PLPBP: variants seen among roughly 807,000 people sequenced by gnomAD.
PLPBP encodes pyridoxal phosphate binding protein.
In PLPBP, 21 loss-of-function variants were observed where a neutral mutation model predicts 31.2. The observed-to-expected ratio is 0.67, with a 90% CI of 0.48 to 0.97. The LOEUF (loss-of-function observed/expected upper bound fraction) is 0.97. PLPBP is among the 50% of genes least tolerant of loss of function. The pLI is 0.00. For synonymous variants in PLPBP, 124 were observed against 135.6 expected (o/e 0.91, Z 0.59); for missense variants, 308 against 354.4 (o/e 0.87, Z 1.05).
rs1563329018 is a variant in PLPBP, at chr8:37,778,575, C to T, written c.*471C>T. On this transcript the variant is annotated 3_prime_UTR_variant, in exon 8 of 8. Transcript: ENST00000328195. ...GGTGATTTCTGCCCCCAGATTCTTC[C>T]CTAGCCGGTAGATACGTGAAGATAT... 1 of 153,286 alleles carries T rather than the reference C, an allele frequency of 6.5e-6. No individual in the cohort carries two copies. The highest frequency in any genetic ancestry group is 2.4e-5 in the African/African-American group (1 of 41,428). The allele number at this position is 153,286 out of a possible 1,614,324, so 9.5% of individuals were successfully genotyped here. A position where few individuals can be genotyped will look rare whatever the true frequency, so the allele number is the denominator to read the frequency against.
intron 4 of PLPBP, among the ~76,000 whole-genome samples, chr8:37,772,334 C>T (rs1237022066): frequency 6.6e-6 from 1 of 152,286 alleles, no homozygotes; most frequent in East Asian, 1.9e-4. Flanking sequence ...TAAGAATACC[C>T]TCATCCCAGA....
intron 4 of PLPBP, 134 bp downstream of exon 4, chr8:37,766,489 T>TTAATAAG (rs762932096): frequency 4.5e-6 from 6 of 1,330,132 alleles, no homozygotes; most frequent in Non-Finnish European, 5.8e-6. Flanking sequence ...TAGGAAAGTC[T>TTAATAAG]GAGTTCTTAA....
At chr8:37,766,214 G>A (rs1803623653) in intron 3 of PLPBP, 66 bp from the exon 4 acceptor site, 20 of 1,203,912 alleles carry the variant, frequency 1.7e-5, no homozygotes, top group South Asian at 1.1e-4. Context: ...GGGAGTGCAC[G>A]AGGCGTTTGA....
chr8:37,766,448 C>G lies in PLPBP; in HGVS notation c.319+93C>G. 2.1e-6 allele frequency: 3 copies of G among 1,395,638 alleles called. No homozygotes were observed. In the South Asian group the frequency reaches 4.9e-5, roughly 23 times the overall value. 86.5% of individuals were successfully genotyped at this position (1,395,638 alleles called of 1,614,324 possible). On this transcript the variant is annotated intron_variant, in intron 4 of 7. Coordinates refer to ENST00000328195, the MANE Select transcript of PLPBP (RefSeq NM_007198.4). ...AAGAGAGAGCAACTTTTAGAATAGC[C>G]CCAATTCACCATTTGTTTTTGGAAT...
chr8:37,770,502 C>G (rs1563325526), intron 4 of PLPBP, among the ~76,000 whole-genome samples: 1 of 152,232 alleles, frequency 6.6e-6, no homozygotes, highest in African/African-American at 2.4e-5. Flanking sequence ...AGACTTAAAT[C>G]TAAATCCAAG....
chr8:37,774,510 G>T (rs1803853048), intron 5 of PLPBP, among the ~76,000 whole-genome samples: 1 of 152,202 alleles, frequency 6.6e-6, no homozygotes, highest in Non-Finnish European at 1.5e-5. Flanking sequence ...TACACATGTT[G>T]TTAGCTATTC....
chr8:37,762,729 G>C lies in PLPBP; in HGVS notation c.70G>C (p.Val24Leu). The C allele has an allele frequency of 1.3e-6, 2 of 1,585,562 alleles. No homozygotes were observed. The highest frequency in any genetic ancestry group is 1.7e-6 in the Non-Finnish European group (2 of 1,171,184). The change falls in exon 1 of 8, where the codon GTG (valine) becomes CTG (leucine). Residue 24 changes from valine to leucine, a missense_variant. Val to Leu is a conservative substitution (Grantham distance 32). Around this residue, in one of 2 missense-constraint regions of PLPBP, gnomAD observed 120 missense variants for 95.1 expected, o/e 1.26. Transcript: ENST00000328195. ...GCALRAVNER[V>L]QQAVARRPRD... ...CGCATTGCGGGCGGTGAACGAGCGCGTGCAGCAGGCTGTGGCGCGGCGGCC... is the reference window on the plus strand; with the variant it reads ...CGCATTGCGGGCGGTGAACGAGCGCCTGCAGCAGGCTGTGGCGCGGCGGCC...
rs1480891549 is a variant in PLPBP at position 37,762,645 on chromosome 8, G to A, written c.-15G>A. ...GGCTGCCGGGGGCCTGGGGCTCGGCGTCGGTCCCCGGGGGATGTGGAGAGC... is the reference window on the plus strand; with the variant it reads ...GGCTGCCGGGGGCCTGGGGCTCGGCATCGGTCCCCGGGGGATGTGGAGAGC... On this transcript the variant is annotated 5_prime_UTR_variant, in exon 1 of 8. Transcript: ENST00000328195. 1 of 1,564,566 alleles carries A rather than the reference G, an allele frequency of 6.4e-7. No homozygotes were observed. Among genetic ancestry groups the A allele is most frequent in the Non-Finnish European group, 8.6e-7 (1 of 1,158,834 alleles).
At chr8:37,764,087 TTGTTG>T (rs1367149920) in intron 1 of PLPBP, among the ~76,000 whole-genome samples, 4 of 151,372 alleles carry the variant, frequency 2.6e-5, no homozygotes, top group African/African-American at 9.7e-5. Context: ...TTTTTTTTTT[TTGTTG>T]TGTTGTTTTG....
chr8:37,777,038 A>C (rs768088362), intron 7 of PLPBP, among the ~76,000 whole-genome samples: 1 of 152,206 alleles, frequency 6.6e-6, no homozygotes, highest in Non-Finnish European at 1.5e-5. Context: ...AAGTGATGGG[A>C]TTACAGGCAT....
chr8:37,769,830 A>C (rs906077068), intron 4 of PLPBP, among the ~76,000 whole-genome samples: 9 of 152,244 alleles, frequency 5.9e-5, no homozygotes, highest in African/African-American at 2.2e-4. Flanking sequence ...AAAAATCAGT[A>C]GCATTTCTAT....
chr8:37,776,757 A>AGGCTTCAT (rs1803924382), intron 7 of PLPBP, among the ~76,000 whole-genome samples: 1 of 152,082 alleles, frequency 6.6e-6, no homozygotes, highest in South Asian at 2.1e-4. Context: ...AAGCAGCCTA[A>AGGCTTCAT]GGCTTCATGT....
At chr8:37,766,663 A>G in intron 4 of PLPBP, 1 of 967,840 alleles carries the variant, frequency 1.0e-6, no homozygotes, top group Non-Finnish European at 1.2e-6. Context: ...CAAAAGAGAC[A>G]TTTCTGTTCT....
intron 4 of PLPBP, among the ~76,000 whole-genome samples, chr8:37,772,479 C>T (rs1563326257): frequency 1.3e-5 from 2 of 152,202 alleles, no homozygotes; most frequent in South Asian, 2.1e-4. Context: ...GGAATCTGTC[C>T]GTTACCAGCT....
rs571848087 is a variant in PLPBP, at chr8:37,779,432, A to G, written c.*1328A>G. On this transcript the variant is annotated 3_prime_UTR_variant, in exon 8 of 8. Transcript: ENST00000328195. ...TGTATTTACAAGCCAGAATTGTGCA[A>G]CTCTTCTGGATCATTAATAAAGTAG... The G allele has an allele frequency of 6.6e-6, 1 of 152,226 alleles. No individual in the cohort carries two copies. Among genetic ancestry groups the G allele is most frequent in the East Asian group, 1.9e-4 (1 of 5,184 alleles). The allele number at this position is 152,226 out of a possible 1,614,324, so 9.4% of individuals were successfully genotyped here. A position where few individuals can be genotyped will look rare whatever the true frequency, so the allele number is the denominator to read the frequency against.
At chr8:37,776,125 A>T (rs1306418273) in intron 7 of PLPBP, 109 bp downstream of exon 7, 1 of 1,037,212 alleles carries the variant, frequency 9.6e-7, no homozygotes, top group African/African-American at 1.6e-5. Context: ...ATGCCTTGGG[A>T]TGGCAGTAAG....
At chr8:37,767,046 C>CAAAA (rs377103424) in intron 4 of PLPBP, among the ~76,000 whole-genome samples, 8 of 57,134 alleles carry the variant, frequency 1.4e-4, no homozygotes, top group African/African-American at 3.5e-4. Flanking sequence ...GACTTCATCC[C>CAAAA]AAAAAAAAAA....
chr8:37,770,456 C>T (rs557647531), intron 4 of PLPBP, among the ~76,000 whole-genome samples: 4 of 152,360 alleles, frequency 2.6e-5, no homozygotes, highest in Admixed American at 1.3e-4. Context: ...ACTCCTATCT[C>T]TCACCATGTA....
intron 7 of PLPBP, among the ~76,000 whole-genome samples, chr8:37,777,392 C>T (rs962535534): frequency 6.6e-6 from 1 of 152,046 alleles, no homozygotes; most frequent in Non-Finnish European, 1.5e-5. Context: ...TCACACTGGA[C>T]GTCTAATGTC....
Sources: allele counts gnomAD v4.1 joint callset (sites outside exome capture counted in the v4.1 genomes callset), GRCh38; gene constraint gnomAD v4.1.1; regional missense constraint gnomAD v4.1.1; transcripts MANE v1.5; gene names NCBI Gene and HGNC (gene_info 2026-07-23, HGNC 2026-07-21).